Variants in GCNT4 observed in about 807,000 individuals in gnomAD.
GCNT4 encodes the protein glucosaminyl (N-acetyl) transferase 4.
Under a neutral mutation model 31.3 loss-of-function variants are expected in GCNT4, and 17 were observed. The observed-to-expected ratio is 0.54, with a 90% CI of 0.37 to 0.81. GCNT4 has a LOEUF of 0.81. Ranked by LOEUF, GCNT4 falls within the 40% of genes least tolerant of loss-of-function variation. The pLI is 0.00. For missense variants in GCNT4, 503 were observed against 525.5 expected, an observed-to-expected ratio of 0.96 and a Z score of 0.42; for synonymous variants, 158 against 190.6, an observed-to-expected ratio of 0.83 and a Z score of 1.41.
rs753887554 is a variant in GCNT4, at chr5:75,029,286, A to G, written c.752T>C (p.Met251Thr). 3.7e-6 allele frequency: 6 copies of G among 1,614,050 alleles called. No individual in the cohort carries two copies. The highest frequency in any genetic ancestry group is 1.1e-5 in the South Asian group (1 of 91,090). The part of the protein sequence containing the change: ...SELKKLNGAN[M>T]LETVKPPNSK... ...GTTTGGGGGTTTCACCGTCTCCAAC[A>G]TATTTGCTCCATTGAGTTTTTTCAA... The change falls in exon 4 of 4, where the codon ATG becomes ACG. Residue 251 changes from methionine to threonine, a missense_variant. By Grantham distance (81) the Met-to-Thr change is moderately conservative (BLOSUM62 -1). Coordinates refer to ENST00000652361, the MANE Select transcript of GCNT4 (RefSeq NM_001366737.1).
In GCNT4 at chr5:75,027,473, G is replaced by A. The variant is rs1184718808; in HGVS notation, c.*1203C>T. The A allele has an allele frequency of 6.8e-6, 1 of 146,574 alleles. No homozygotes were observed. Among genetic ancestry groups the A allele is most frequent in the Non-Finnish European group, 1.5e-5 (1 of 66,914 alleles). The allele number at this position is 146,574 out of a possible 1,614,324, so 9.1% of individuals were successfully genotyped here. On this transcript the variant is annotated 3_prime_UTR_variant, in exon 4 of 4. Transcript: ENST00000652361. ...TATATATATTTTTGACTCATTGGGT[G>A]GTTTTCTCAAGTGTGGGTTTTAGAA...
At position 75,026,590 on chromosome 5, in the gene GCNT4, G is replaced by T. The variant is rs1433630692; in HGVS notation, c.*2086C>A. On this transcript the variant is annotated 3_prime_UTR_variant, in exon 4 of 4. Transcript: ENST00000652361. Reference sequence around the variant, plus strand: ...AGGTATCACTCTCTGACATTGAAATGTCAATAGTTTGTACCTATTTTCAAA... The same window carrying T: ...AGGTATCACTCTCTGACATTGAAATTTCAATAGTTTGTACCTATTTTCAAA... 7.7e-6 allele frequency: 1 copy of T among 130,104 alleles called. No homozygotes were observed. Among genetic ancestry groups the T allele is most frequent in the South Asian group, 2.6e-4 (1 of 3,780 alleles). 8.1% of individuals were successfully genotyped at this position (130,104 alleles called of 1,614,324 possible).
rs997725698 is a variant in GCNT4 at position 75,028,407 on chromosome 5, T to G, written c.*269A>C. The stretch of plus-strand genomic sequence containing the variant: ...AAAAAGTGCCTGTCATATAGTTAGG[T>G]GCTCAATAATGTTTGATGACTGACT... On this transcript the variant is annotated 3_prime_UTR_variant, in exon 4 of 4. Coordinates refer to ENST00000652361, the MANE Select transcript of GCNT4 (RefSeq NM_001366737.1). 10 of 416,534 alleles carry G rather than the reference T, an allele frequency of 2.4e-5. No individual in the cohort carries two copies. Among genetic ancestry groups the G allele is most frequent in the Non-Finnish European group, 4.2e-5 (10 of 236,338 alleles). The allele number at this position is 416,534 out of a possible 1,614,324, so 25.8% of individuals were successfully genotyped here.
intron 3 of GCNT4, among the ~76,000 whole-genome samples, chr5:75,032,345 T>C (rs1743081823): frequency 1.3e-5 from 2 of 152,168 alleles, no homozygotes; most frequent in African/African-American, 4.8e-5. Flanking sequence ...AGTTGCTGGA[T>C]GGACATTGCT....
intron 3 of GCNT4, among the ~76,000 whole-genome samples, chr5:75,036,672 G>A (rs1743207964): frequency 6.6e-6 from 1 of 152,208 alleles, no homozygotes; most frequent in Non-Finnish European, 1.5e-5. Flanking sequence ...TGAGCCTGGA[G>A]GAATGCTGGG....
At chr5:75,039,458 T>TG (rs1205550803) in intron 3 of GCNT4, among the ~76,000 whole-genome samples, 1 of 152,242 alleles carries the variant, frequency 6.6e-6, no homozygotes, top group African/African-American at 2.4e-5. Flanking sequence ...ATCTATGAGA[T>TG]AGGTACGATT....
At chr5:75,024,296 G>A (rs554934439), downstream of GCNT4, among the ~76,000 whole-genome samples, 7 of 152,304 alleles carry the variant, frequency 4.6e-5, no homozygotes, top group East Asian at 1.4e-3. Flanking sequence ...TGAAATTACT[G>A]TGAATTTGCA....
intron 3 of GCNT4, among the ~76,000 whole-genome samples, chr5:75,033,663 T>C (rs1743127003): frequency 1.4e-5 from 2 of 147,512 alleles, no homozygotes; most frequent in African/African-American, 5.1e-5. Context: ...CTTTATTTAT[T>C]TATTTATTTA....
intron 3 of GCNT4, among the ~76,000 whole-genome samples, chr5:75,042,065 G>C (rs976579337): frequency 1.3e-5 from 2 of 152,142 alleles, no homozygotes; most frequent in African/African-American, 4.8e-5. Flanking sequence ...CTTCTTTTTA[G>C]ATATAAAGGA....
At chr5:75,031,115 C>T (rs1315566527) in intron 3 of GCNT4, among the ~76,000 whole-genome samples, 1 of 150,996 alleles carries the variant, frequency 6.6e-6, no homozygotes, top group Non-Finnish European at 1.5e-5. Context: ...TGCTGTGTTA[C>T]CCAGGCCAGA....
At chr5:75,047,508 TG>T (rs1370998948) in intron 3 of GCNT4, among the ~76,000 whole-genome samples, 6 of 152,142 alleles carry the variant, frequency 3.9e-5, no homozygotes, top group African/African-American at 9.7e-5. Flanking sequence ...GGTGGGGTTT[TG>T]GGGGAGGCTT....
At chr5:75,035,462 C>T (rs957712039) in intron 3 of GCNT4, among the ~76,000 whole-genome samples, 4 of 152,204 alleles carry the variant, frequency 2.6e-5, no homozygotes, top group Admixed American at 6.5e-5. Context: ...AGGAGCTGCG[C>T]TTCAGGATGC....
chr5:75,036,771 T>A (rs1321950175), intron 3 of GCNT4, among the ~76,000 whole-genome samples: 13 of 152,168 alleles, frequency 8.5e-5, no homozygotes, highest in Non-Finnish European at 1.8e-4. Context: ...GCCCGTAGAA[T>A]CAATTCAAGG....
In GCNT4 at chr5:75,026,941, G is replaced by A. The variant is rs931390029; in HGVS notation, c.*1735C>T. 1 of 151,942 alleles carries A rather than the reference G, an allele frequency of 6.6e-6. No homozygotes were observed. Among genetic ancestry groups the A allele is most frequent in the African/African-American group, 2.4e-5 (1 of 41,370 alleles). The allele number at this position is 151,942 out of a possible 1,614,324, so 9.4% of individuals were successfully genotyped here. On this transcript the variant is annotated 3_prime_UTR_variant, in exon 4 of 4. Coordinates refer to ENST00000652361, the MANE Select transcript of GCNT4 (RefSeq NM_001366737.1). The stretch of plus-strand genomic sequence containing the variant: ...CAAGAGAAGAAAGGGAGCGAGAAGT[G>A]GTGTCAGTTGGCAGTTAGTATTATG...
At chr5:75,042,876 C>T (rs574314549) in intron 3 of GCNT4, among the ~76,000 whole-genome samples, 1 of 152,076 alleles carries the variant, frequency 6.6e-6, no homozygotes, top group Non-Finnish European at 1.5e-5. Flanking sequence ...ATCTTGTGTG[C>T]ATATTAGACA....
intron 2 of GCNT4, among the ~76,000 whole-genome samples, chr5:75,051,693 A>G (rs913972005): frequency 3.9e-5 from 6 of 152,220 alleles, no homozygotes; most frequent in African/African-American, 7.2e-5. Context: ...CAGGTGCCAT[A>G]AAGTGCTAAC....
rs573972902 is a variant in GCNT4, at chr5:75,032,787, C to G, written c.-1-2749G>C. On this transcript the variant is annotated intron_variant, in intron 3 of 3. Coordinates refer to ENST00000652361, the MANE Select transcript of GCNT4 (RefSeq NM_001366737.1). ...CCACTCCCTTGCCTGACACACAAGG[C>G]AACTCACTGCAACTCCAGAAGCCTG... Among the ~76,000 whole-genome samples the G allele has an allele frequency of 2.6e-5, 4 of 151,994 alleles. No individual in the cohort carries two copies. The South Asian group carries it at 8.3e-4, about 32-fold the overall frequency.
rs1184535893 is a variant in GCNT4, at chr5:75,029,364, T to C, written c.674A>G (p.Asn225Ser). The C allele has an allele frequency of 2.5e-6, 4 of 1,614,010 alleles. No homozygotes were observed. The highest frequency in any genetic ancestry group is 3.4e-6 in the Non-Finnish European group (4 of 1,180,016). The part of the protein sequence containing the change: ...KSSIQWKYVI[N>S]LCGQDFPLKS... ...CAGGGGAAAATCTTGCCCACACAAG[T>C]TGATAACATATTTCCACTGGATTGA... The change falls in exon 4 of 4, where the codon AAC (asparagine) becomes AGC (serine). Residue 225 changes from asparagine (N) to serine (S), a missense_variant. Asn to Ser is a conservative substitution (Grantham distance 46). Coordinates refer to ENST00000652361, the MANE Select transcript of GCNT4 (RefSeq NM_001366737.1).
chr5:75,051,974 G>C (rs906080155), intron 2 of GCNT4, among the ~76,000 whole-genome samples, 195 bp downstream of exon 2: 1 of 152,110 alleles, frequency 6.6e-6, no homozygotes, highest in African/African-American at 2.4e-5. Flanking sequence ...TGGATCCTTA[G>C]AAAGTGCAAC....
Sources: allele counts gnomAD v4.1 joint callset (sites outside exome capture counted in the v4.1 genomes callset), GRCh38; gene constraint gnomAD v4.1.1; transcripts MANE v1.5; gene names NCBI Gene and HGNC (gene_info 2026-07-23, HGNC 2026-07-21).